PLCL1: variants seen among roughly 807,000 people sequenced by gnomAD.
The protein encoded by PLCL1 is phospholipase C like 1 (inactive).
PLCL1 carries 41 observed loss-of-function variants against 84.4 expected under a neutral mutation model. That is an observed-to-expected ratio of 0.49 (90% confidence interval 0.38 to 0.63). The LOEUF (loss-of-function observed/expected upper bound fraction) is 0.63. PLCL1 is among the 30% of genes least tolerant of loss of function. PLCL1 has a pLI of 0.00. For synonymous variants in PLCL1, 490 were observed against 488.3 expected (o/e 1.00, Z -0.05); for missense variants, 1,206 against 1,367.8 (o/e 0.88, Z 1.87).
intron 1 of PLCL1, among the ~76,000 whole-genome samples, chr2:197,859,645 C>T (rs1332760288): frequency 1.3e-5 from 2 of 152,020 alleles, no homozygotes; most frequent in African/African-American, 4.8e-5. Flanking sequence ...GTCATAAAGT[C>T]GTAGTGATAT....
intron 1 of PLCL1, among the ~76,000 whole-genome samples, chr2:198,070,117 T>C (rs942336634): frequency 2.6e-5 from 4 of 152,160 alleles, no homozygotes; most frequent in Non-Finnish European, 5.9e-5. Context: ...TTGATGATTG[T>C]GGTTGAAATT....
chr2:197,852,843 G>T (rs13426294), intron 1 of PLCL1, among the ~76,000 whole-genome samples: 14 of 152,150 alleles, frequency 9.2e-5, no homozygotes, highest in African/African-American at 3.4e-4. Context: ...ATCTATGTCT[G>T]TCTATCTGTA....
At chr2:198,067,715 G>A (rs1692354368) in intron 1 of PLCL1, among the ~76,000 whole-genome samples, 2 of 152,214 alleles carry the variant, frequency 1.3e-5, no homozygotes, top group Middle Eastern at 6.8e-3. Context: ...TTATGTTTTT[G>A]GCATGTTGTT....
intron 4 of PLCL1, among the ~76,000 whole-genome samples, chr2:198,103,006 T>G (rs1397843461): frequency 6.6e-6 from 1 of 152,098 alleles, no homozygotes; most frequent in Non-Finnish European, 1.5e-5. Context: ...CATTCCCAAA[T>G]CTGAAATACT....
intron 5 of PLCL1, among the ~76,000 whole-genome samples, chr2:198,109,196 GCA>G (rs1693559172): frequency 6.6e-6 from 1 of 151,866 alleles, no homozygotes; most frequent in Non-Finnish European, 1.5e-5. Context: ...TCTGGTGAGA[GCA>G]CAGTCTCTTC....
In PLCL1 at chr2:197,907,239, TTTTC is replaced by T. The variant is rs541190762; in HGVS notation, c.240+101908_240+101911del. On this transcript the variant is annotated intron_variant, in intron 1 of 5. Coordinates refer to ENST00000428675, the MANE Select transcript of PLCL1 (RefSeq NM_006226.4). ...AAGATATTCAAATAGTCTTTTTTCT[TTTTC>T]TTTCTTTTTTTTTTTGACAGTGTCT... Among the ~76,000 whole-genome samples the T allele has an allele frequency of 5.7e-3, 872 of 151,758 alleles. 3 individuals carry two copies. Among genetic ancestry groups the T allele is most frequent in the African/African-American group, 0.02 (834 of 41,156 alleles).
intron 1 of PLCL1, among the ~76,000 whole-genome samples, chr2:198,078,340 A>G (rs1245290153): frequency 2.6e-5 from 4 of 152,132 alleles, no homozygotes; most frequent in Admixed American, 1.3e-4. Context: ...ATTGTCTACC[A>G]TCCTTTGAGA....
intron 3 of PLCL1, among the ~76,000 whole-genome samples, chr2:198,089,714 G>T (rs773670567): frequency 3.9e-5 from 6 of 152,134 alleles, no homozygotes; most frequent in Non-Finnish European, 7.3e-5. Context: ...GCTAAATGTT[G>T]TCTCTTCTGT....
chr2:198,065,659 C>A (rs571063713), intron 1 of PLCL1, among the ~76,000 whole-genome samples: 1 of 152,162 alleles, frequency 6.6e-6, no homozygotes, highest in Admixed American at 6.5e-5. Context: ...TTTGTTTTGC[C>A]AACAATGAAT....
At chr2:197,886,474 C>T (rs1411805233) in intron 1 of PLCL1, among the ~76,000 whole-genome samples, 1 of 133,242 alleles carries the variant, frequency 7.5e-6, no homozygotes, top group Non-Finnish European at 1.6e-5. Context: ...CAAATAGGTG[C>T]ATCCCAGTTC....
chr2:198,042,808 A>T (rs1691695148), intron 1 of PLCL1, among the ~76,000 whole-genome samples: 2 of 152,218 alleles, frequency 1.3e-5, no homozygotes, highest in African/African-American at 4.8e-5. Context: ...CAGAAAAGCA[A>T]TAAATGATGC....
intron 1 of PLCL1, among the ~76,000 whole-genome samples, chr2:197,936,485 C>G (rs73056856): frequency 0.18 from 27,392 of 151,998 alleles, 2,541 homozygotes; most frequent in East Asian, 0.26. Context: ...GTTTAATTTG[C>G]ATTTTCTTGA....
chr2:198,044,178 C>T lies in PLCL1; in HGVS notation c.241-39580C>T, dbSNP rs376139975. 3.8e-4 allele frequency among the ~76,000 whole-genome samples: 58 copies of T among 152,220 alleles called. 1 individual carries two copies. Among genetic ancestry groups the T allele is most frequent in the African/African-American group, 1.1e-3 (45 of 41,544 alleles). On this transcript the variant is annotated intron_variant, in intron 1 of 5. Coordinates refer to ENST00000428675, the MANE Select transcript of PLCL1 (RefSeq NM_006226.4). ...TCACTTTGGTGAGACTTCTTAAATA[C>T]GAAATAAAAAGCCATCCATGTTCCA...
Position 197,866,176 on chromosome 2 carries a change from C to T in PLCL1, c.240+60837C>T, listed in dbSNP as rs1262547416. ...TATATAAACTATATATATATATAAA[C>T]TATATATATATATAAACTATATATA... is the stretch of plus-strand genomic sequence containing the variant. On this transcript the variant is annotated intron_variant, in intron 1 of 5. Transcript: ENST00000428675. 2.7e-5 allele frequency among the ~76,000 whole-genome samples: 2 copies of T among 73,558 alleles called. 1 individual carries two copies. Among genetic ancestry groups the T allele is most frequent in the Non-Finnish European group, 4.9e-5 (2 of 40,462 alleles). The allele number at this position is 73,558 out of a possible 152,430, so 48.3% of individuals were successfully genotyped here. A position where few individuals can be genotyped will look rare whatever the true frequency, so the allele number is the denominator to read the frequency against.
At chr2:197,866,489 C>T (rs2105700296) in intron 1 of PLCL1, among the ~76,000 whole-genome samples, 1 of 152,108 alleles carries the variant, frequency 6.6e-6, no homozygotes, top group Non-Finnish European at 1.5e-5. Flanking sequence ...ACCCTTATCC[C>T]CAGGACCTTT....
chr2:197,935,020 G>A (rs1362693644), intron 1 of PLCL1, among the ~76,000 whole-genome samples: 1 of 152,074 alleles, frequency 6.6e-6, no homozygotes, highest in Non-Finnish European at 1.5e-5. Flanking sequence ...CGGCCAACTA[G>A]CATATGAAAA....
chr2:198,103,255 G>A (rs1693387079), intron 4 of PLCL1, among the ~76,000 whole-genome samples: 1 of 151,896 alleles, frequency 6.6e-6, no homozygotes, highest in Admixed American at 6.6e-5. Context: ...GGAATAATTT[G>A]CTTCTTACTT....
At chr2:198,002,535 A>G (rs1021102316) in intron 1 of PLCL1, among the ~76,000 whole-genome samples, 5 of 152,258 alleles carry the variant, frequency 3.3e-5, no homozygotes, top group Admixed American at 3.3e-4. Flanking sequence ...AACTGGGTTT[A>G]TGTTTTTCTC....
At chr2:197,971,655 G>A (rs1386500849) in intron 1 of PLCL1, among the ~76,000 whole-genome samples, 3 of 152,194 alleles carry the variant, frequency 2.0e-5, no homozygotes, top group Non-Finnish European at 2.9e-5. Flanking sequence ...CACATATTAT[G>A]TGTATGTGCA....
Sources: allele counts gnomAD v4.1 joint callset (sites outside exome capture counted in the v4.1 genomes callset), GRCh38; gene constraint gnomAD v4.1.1; transcripts MANE v1.5; gene names NCBI Gene and HGNC (gene_info 2026-07-23, HGNC 2026-07-21).